The following RASGRP3 variants were observed in gnomAD, a reference collection of about 807,000 sequenced individuals.
The protein encoded by RASGRP3 is ras guanyl-releasing protein 3.
RASGRP3 carries 54 observed loss-of-function variants against 82.7 expected under a neutral mutation model. That is an observed-to-expected ratio of 0.65 (90% CI 0.52 to 0.82). The LOEUF is 0.82. Ranked by LOEUF, RASGRP3 falls within the 40% of genes least tolerant of loss-of-function variation. RASGRP3 has a pLI of 0.00. For missense variants in RASGRP3, 861 were observed against 828.9 expected (o/e 1.04, Z -0.48); for synonymous variants, 309 against 300.5 (o/e 1.03, Z -0.29).
intron 1 of RASGRP3, among the ~76,000 whole-genome samples, chr2:33,500,073 C>T (rs867351569): frequency 1.2e-4 from 18 of 151,846 alleles, no homozygotes; most frequent in African/African-American, 3.9e-4. Flanking sequence ...GATTGCCAAG[C>T]GTAAGTATTG....
rs1239108303 is a variant in RASGRP3, at chr2:33,523,866, C to A, written c.517-13C>A. 6.3e-7 allele frequency: 1 copy of A among 1,595,380 alleles called. No homozygotes were observed. The highest frequency in any genetic ancestry group is 8.6e-7 in the Non-Finnish European group (1 of 1,167,982). On this transcript the variant is annotated splice_polypyrimidine_tract_variant and intron_variant, in intron 7 of 17. Transcript: ENST00000403687. ...CTATTATAATTCAGAGTCTCTGAAT[C>A]TTCCTTTCCTAGTTCACTGATTACC...
At chr2:33,535,414 T>C (rs1237826809) in intron 11 of RASGRP3, among the ~76,000 whole-genome samples, 1 of 152,268 alleles carries the variant, frequency 6.6e-6, no homozygotes, top group East Asian at 1.9e-4. Flanking sequence ...TAATCACATC[T>C]TGAGATCAGT....
In RASGRP3 at chr2:33,524,072, T is replaced by C; in HGVS notation, c.690+20T>C. 6.2e-7 allele frequency: 1 copy of C among 1,609,310 alleles called. No individual in the cohort carries two copies. Among genetic ancestry groups the C allele is most frequent in the Non-Finnish European group, 8.5e-7 (1 of 1,176,302 alleles). On this transcript the variant is annotated intron_variant, in intron 8 of 17. Coordinates refer to ENST00000403687, the MANE Select transcript of RASGRP3 (RefSeq NM_001139488.2). Reference sequence around the variant, plus strand: ...GCAAAGGTATGTCTGGTAATCAGACTGGGTTCTTGAGTTCTAGATGTTCGT... The same window carrying C: ...GCAAAGGTATGTCTGGTAATCAGACCGGGTTCTTGAGTTCTAGATGTTCGT...
At chr2:33,487,598 A>AAATC (rs1668505358) in intron 1 of RASGRP3, among the ~76,000 whole-genome samples, 1 of 152,198 alleles carries the variant, frequency 6.6e-6, no homozygotes, top group African/African-American at 2.4e-5. Flanking sequence ...TACAGGAAAC[A>AAATC]AATCAAAAAA....
chr2:33,491,469 A>G (rs527567919), intron 1 of RASGRP3, among the ~76,000 whole-genome samples: 3 of 152,236 alleles, frequency 2.0e-5, no homozygotes, highest in African/African-American at 7.2e-5. Flanking sequence ...ATTCCAACTT[A>G]TTTATTTATA....
chr2:33,500,697 A>C (rs1198271405), intron 1 of RASGRP3, among the ~76,000 whole-genome samples: 1 of 152,206 alleles, frequency 6.6e-6, no homozygotes, highest in Non-Finnish European at 1.5e-5. Flanking sequence ...GCACTTTGGG[A>C]GGCCGAGGCA....
At chr2:33,469,606 T>C (rs972333296) in intron 2 of RASGRP3, among the ~76,000 whole-genome samples, 6 of 151,988 alleles carry the variant, frequency 3.9e-5, no homozygotes, top group South Asian at 2.1e-4. Context: ...ACTACAGATA[T>C]GGGCCACCAT....
intron 1 of RASGRP3, among the ~76,000 whole-genome samples, chr2:33,498,828 C>G (rs984732318): frequency 2.0e-5 from 3 of 152,098 alleles, no homozygotes; most frequent in East Asian, 3.9e-4. Flanking sequence ...TGTGCCCCCT[C>G]TCTAGATCCT....
chr2:33,466,309 T>G (rs1310334712), intron 2 of RASGRP3, among the ~76,000 whole-genome samples: 1 of 151,974 alleles, frequency 6.6e-6, no homozygotes, highest in Non-Finnish European at 1.5e-5. Context: ...TGGGAGGAGG[T>G]CCGATTATTG....
chr2:33,547,433 A>C (rs935817683), intron 13 of RASGRP3, among the ~76,000 whole-genome samples: 1 of 134,280 alleles, frequency 7.4e-6, no homozygotes, highest in Non-Finnish European at 1.5e-5. Context: ...GTTATTTTGC[A>C]TAGGAGGTAA....
chr2:33,534,537 T>C (rs543906059), intron 11 of RASGRP3, 137 bp downstream of exon 11: 2 of 714,532 alleles, frequency 2.8e-6, no homozygotes, highest in South Asian at 3.8e-5. Context: ...CTTTTTCTTT[T>C]TTCTTTTTTG....
chr2:33,487,437 A>T (rs1668490953), intron 1 of RASGRP3, among the ~76,000 whole-genome samples: 1 of 152,226 alleles, frequency 6.6e-6, no homozygotes, highest in South Asian at 2.1e-4. Flanking sequence ...AGTTCTTGAG[A>T]TTAATTGTAT....
chr2:33,466,388 A>G (rs116073361), intron 2 of RASGRP3, among the ~76,000 whole-genome samples: 1,670 of 152,244 alleles, frequency 0.011, 26 homozygotes, highest in African/African-American at 0.039. Flanking sequence ...TTAAGATTTC[A>G]GCGGAGGGGG....
At chr2:33,476,926 G>A (rs1347032984) in intron 1 of RASGRP3, among the ~76,000 whole-genome samples, 1 of 114,920 alleles carries the variant, frequency 8.7e-6, no homozygotes, top group African/African-American at 2.8e-5. Context: ...GTTATTTTCG[G>A]CAACGTGTCT....
intron 1 of RASGRP3, among the ~76,000 whole-genome samples, chr2:33,494,612 C>G (rs1488540203): frequency 1.3e-5 from 2 of 152,128 alleles, no homozygotes; most frequent in East Asian, 3.8e-4. Context: ...TATATACTCA[C>G]TATAGTGTGT....
intron 4 of RASGRP3, among the ~76,000 whole-genome samples, chr2:33,519,067 T>A (rs1558475451): frequency 6.6e-6 from 1 of 152,324 alleles, no homozygotes; most frequent in East Asian, 1.9e-4. Flanking sequence ...TATACATAAC[T>A]GTGCACACTA....
chr2:33,467,980 T>TTCTCTTTC (rs1162579836), intron 2 of RASGRP3, among the ~76,000 whole-genome samples: 3 of 116,302 alleles, frequency 2.6e-5, no homozygotes, highest in Non-Finnish European at 5.6e-5. Flanking sequence ...TGGTGAGGCT[T>TTCTCTTTC]TTTCTTTCTT....
chr2:33,509,976 G>A (rs1431443439), intron 1 of RASGRP3, among the ~76,000 whole-genome samples: 1 of 152,150 alleles, frequency 6.6e-6, no homozygotes, highest in Non-Finnish European at 1.5e-5. Flanking sequence ...TGTCTGTGGT[G>A]ATAAAGAGAA....
chr2:33,497,077 G>T (rs1669397418), intron 1 of RASGRP3, among the ~76,000 whole-genome samples: 1 of 151,996 alleles, frequency 6.6e-6, no homozygotes, highest in Non-Finnish European at 1.5e-5. Context: ...GTTAATGTGA[G>T]ATTTGTACAT....
Sources: gnomAD v4.1 joint callset for allele counts (sites outside exome capture counted in the v4.1 genomes callset) on GRCh38, gnomAD v4.1.1 for gene constraint, MANE v1.5 for transcripts, NCBI Gene and HGNC (gene_info 2026-07-23, HGNC 2026-07-21) for gene names.